BCAS3: variants seen among roughly 807,000 people sequenced by gnomAD.
BCAS3 encodes the protein BCAS4/BCAS3 fusion.
In BCAS3, 53 loss-of-function variants were observed where a neutral mutation model predicts 116.1. The ratio of observed to expected loss-of-function variants is 0.46; its 90% confidence interval spans 0.37 to 0.57. The LOEUF (loss-of-function observed/expected upper bound fraction) is 0.57, where lower values mean the gene tolerates loss of function less well. Among genes scored for constraint, BCAS3 ranks in the 20% least tolerant of loss-of-function variants. The pLI, the probability that BCAS3 is intolerant of heterozygous loss-of-function variation, is 0.00. For missense variants in BCAS3, 917 were observed against 1,165.4 expected (o/e 0.79, Z 3.10); for synonymous variants, 391 against 408.2 (o/e 0.96, Z 0.51).
In BCAS3 at chr17:61,204,560, T is replaced by A. The variant is rs930458189; in HGVS notation, c.2425+119996T>A. Reference sequence around the variant, plus strand: ...TGTGTTGTTGCTTCATCATTGTAACTTTCTTAAAAACAGAATTTATAGCCC... The same window carrying A: ...TGTGTTGTTGCTTCATCATTGTAACATTCTTAAAAACAGAATTTATAGCCC... On this transcript the variant is annotated intron_variant, in intron 22 of 23. Coordinates refer to ENST00000407086, the MANE Select transcript of BCAS3 (RefSeq NM_017679.5). The surrounding 1 kb of genome is among the most constrained non-coding windows in gnomAD (Gnocchi z 4.2). Among the ~76,000 whole-genome samples the A allele has an allele frequency of 6.6e-6, 1 of 152,222 alleles. No individual in the cohort carries two copies. Among genetic ancestry groups the A allele is most frequent in the African/African-American group, 2.4e-5 (1 of 41,456 alleles).
intron 6 of BCAS3, among the ~76,000 whole-genome samples, chr17:60,804,189 A>G (rs1212428298): frequency 6.6e-6 from 1 of 150,780 alleles, no homozygotes; most frequent in Non-Finnish European, 1.5e-5. Flanking sequence ...TTTGTAAAAA[A>G]GGTAGTATAT....
intron 13 of BCAS3, among the ~76,000 whole-genome samples, chr17:60,931,501 T>A (rs1459160897): frequency 6.6e-6 from 1 of 152,124 alleles, no homozygotes; most frequent in Non-Finnish European, 1.5e-5. Flanking sequence ...GGTCTCAAAC[T>A]CCTGAGCTCA....
Position 61,352,141 on chromosome 17 carries a change from C to T in BCAS3, c.2426-16186C>T, listed in dbSNP as rs1055028028. 6.6e-6 allele frequency among the ~76,000 whole-genome samples: 1 copy of T among 152,234 alleles called. No homozygotes were observed. The highest frequency in any genetic ancestry group is 1.5e-5 in the Non-Finnish European group (1 of 68,044). The stretch of plus-strand genomic sequence containing the variant: ...TGAAACAGTGAGAAATTAATTCCTT[C>T]GTTCAGCTGTTAGCCCTAACTCAGA... On this transcript the variant is annotated intron_variant, in intron 22 of 23. Coordinates refer to ENST00000407086, the MANE Select transcript of BCAS3 (RefSeq NM_017679.5). This position sits in a 1 kb window ranked among gnomAD's most constrained non-coding sequence, Gnocchi z 4.7.
intron 19 of BCAS3, among the ~76,000 whole-genome samples, chr17:61,067,271 G>GTATATATATATATATATATA (rs1473028118): frequency 5.4e-5 from 3 of 55,108 alleles, no homozygotes; most frequent in African/African-American, 2.2e-4. Flanking sequence ...ATGTGTGTAT[G>GTATATATATATATATATATA]TGTATATATA....
rs1212354064 is a variant in BCAS3, at chr17:61,327,391, C to T, written c.2426-40936C>T. ...GACTACAGAGTCAAGGAGACATTTACAAGTTAATATAATAAATGTAAATGT... is the reference window on the plus strand; with the variant it reads ...GACTACAGAGTCAAGGAGACATTTATAAGTTAATATAATAAATGTAAATGT... On this transcript the variant is annotated intron_variant, in intron 22 of 23. Coordinates refer to ENST00000407086, the MANE Select transcript of BCAS3 (RefSeq NM_017679.5). The surrounding 1 kb of genome is among the most constrained non-coding windows in gnomAD (Gnocchi z 5.9). Among the ~76,000 whole-genome samples the T allele has an allele frequency of 7.2e-5, 11 of 151,984 alleles. No individual in the cohort carries two copies. The highest frequency in any genetic ancestry group is 2.0e-4 in the Admixed American group (3 of 15,266).
intron 13 of BCAS3, among the ~76,000 whole-genome samples, chr17:60,944,417 T>G (rs2060377775): frequency 6.6e-6 from 1 of 152,024 alleles, no homozygotes; most frequent in South Asian, 2.1e-4. Context: ...GGCCCAAATA[T>G]TTTTACTTGA....
chr17:60,922,000 G>T (rs1407632388), intron 12 of BCAS3, among the ~76,000 whole-genome samples: 3 of 151,128 alleles, frequency 2.0e-5, no homozygotes, highest in African/African-American at 4.9e-5. Flanking sequence ...TTTTTTCTCA[G>T]TAATACTTGT....
Position 61,063,276 on chromosome 17 carries a change from GT to G in BCAS3, c.2030-11633del, listed in dbSNP as rs1418232530. Among the ~76,000 whole-genome samples the G allele has an allele frequency of 1.6e-4, 24 of 145,720 alleles. No individual in the cohort carries two copies. The highest frequency in any genetic ancestry group is 2.7e-4 in the Admixed American group (4 of 14,620). ...AGTTTTTTGTTTTTTTGTTGTTTTGGTTTTTTTTTTTGAGGCAGAGTCTTGC... is the reference window on the plus strand; with the variant it reads ...AGTTTTTTGTTTTTTTGTTGTTTTGGTTTTTTTTTTGAGGCAGAGTCTTGC... On this transcript the variant is annotated intron_variant, in intron 19 of 23. Coordinates refer to ENST00000407086, the MANE Select transcript of BCAS3 (RefSeq NM_017679.5). This position sits in a 1 kb window ranked among gnomAD's most constrained non-coding sequence, Gnocchi z 5.3.
chr17:60,695,840 C>T (rs2035523198), intron 4 of BCAS3, among the ~76,000 whole-genome samples: 2 of 152,142 alleles, frequency 1.3e-5, no homozygotes, highest in Non-Finnish European at 2.9e-5. Context: ...CTCAAGGAAT[C>T]CTCCTGCCTC....
In BCAS3 at chr17:61,037,350, C is replaced by A. The variant is rs1236581329; in HGVS notation, c.1763-539C>A. On this transcript the variant is annotated intron_variant, in intron 17 of 23. Transcript: ENST00000407086. This position sits in a 1 kb window ranked among gnomAD's most constrained non-coding sequence, Gnocchi z 4.7. ...GATTTTACTATATTAGGATTTGGGG[C>A]ATAGTAGTATCATTCTTGAAGTAAG... Among the ~76,000 whole-genome samples the A allele has an allele frequency of 6.6e-6, 1 of 152,114 alleles. No individual in the cohort carries two copies.
chr17:61,001,250 A>G (rs1450037983), intron 15 of BCAS3, among the ~76,000 whole-genome samples: 3 of 152,168 alleles, frequency 2.0e-5, no homozygotes, highest in Non-Finnish European at 4.4e-5. Flanking sequence ...ATATTTCAGT[A>G]AAGTGCTTTT....
intron 22 of BCAS3, among the ~76,000 whole-genome samples, chr17:61,110,486 G>A (rs1601315740): frequency 2.0e-5 from 3 of 152,170 alleles, no homozygotes; most frequent in African/African-American, 4.8e-5. Context: ...GGTGACGGAC[G>A]CACCTGGATA....
Position 61,095,775 on chromosome 17 carries a change from G to C in BCAS3, c.2425+11211G>C, listed in dbSNP as rs2073927957. The stretch of plus-strand genomic sequence containing the variant: ...AGCCACCGCACCTGACTGGGGTCCT[G>C]AGTTTTTTTAAGCACACTGGGATCC... On this transcript the variant is annotated intron_variant, in intron 22 of 23. Transcript: ENST00000407086. This position sits in a 1 kb window ranked among gnomAD's most constrained non-coding sequence, Gnocchi z 4.7. Among the ~76,000 whole-genome samples, 1 of 151,868 alleles carries C rather than the reference G, an allele frequency of 6.6e-6. No homozygotes were observed. Among genetic ancestry groups the C allele is most frequent in the African/African-American group, 2.4e-5 (1 of 41,342 alleles).
At chr17:61,247,243 CTAAGTA>C (rs2048043631) in intron 22 of BCAS3, among the ~76,000 whole-genome samples, 1 of 152,026 alleles carries the variant, frequency 6.6e-6, no homozygotes, top group Non-Finnish European at 1.5e-5. Flanking sequence ...TATTGATTTG[CTAAGTA>C]TAATTTTCAC....
chr17:61,329,340 A>ATTTTTTTTTTTTTT (rs199612323), intron 22 of BCAS3, among the ~76,000 whole-genome samples: 12 of 109,414 alleles, frequency 1.1e-4, no homozygotes, highest in African/African-American at 3.6e-4. Flanking sequence ...TATTATTATT[A>ATTTTTTTTTTTTTT]TTATTTTTTT....
intron 19 of BCAS3, among the ~76,000 whole-genome samples, chr17:61,054,626 A>G (rs1428108790): frequency 6.6e-6 from 1 of 152,132 alleles, no homozygotes; most frequent in Non-Finnish European, 1.5e-5. Context: ...CACCCACCTC[A>G]ACCTCCTGTA....
intron 10 of BCAS3, among the ~76,000 whole-genome samples, chr17:60,896,150 A>C (rs1347919227): frequency 6.6e-6 from 1 of 152,102 alleles, no homozygotes; most frequent in Non-Finnish European, 1.5e-5. Flanking sequence ...ACATGGCAAA[A>C]TGCTGTCTCT....
At chr17:60,871,101 G>A (rs761866559) in intron 8 of BCAS3, among the ~76,000 whole-genome samples, 4 of 152,060 alleles carry the variant, frequency 2.6e-5, no homozygotes, top group African/African-American at 7.2e-5. Flanking sequence ...ATATTCCTAC[G>A]TTGCTAATTT....
At chr17:60,818,578 G>A (rs919604999) in intron 7 of BCAS3, among the ~76,000 whole-genome samples, 5 of 152,170 alleles carry the variant, frequency 3.3e-5, no homozygotes, top group African/African-American at 1.2e-4. Flanking sequence ...TGTCAGTTGT[G>A]TTTGCGAGTT....
Sources: allele counts gnomAD v4.1 joint callset (sites outside exome capture counted in the v4.1 genomes callset), GRCh38; gene constraint gnomAD v4.1.1; non-coding constraint Gnocchi (gnomAD v3.1); transcripts MANE v1.5; gene names NCBI Gene and HGNC (gene_info 2026-07-23, HGNC 2026-07-21).